Variants in RBPJ observed in about 807,000 individuals in gnomAD.
RBPJ encodes recombination signal binding protein for immunoglobulin kappa J region.
A neutral mutation model predicts 67.8 loss-of-function variants in RBPJ; 9 were observed. The ratio of observed to expected loss-of-function variants is 0.13; its 90% CI spans 0.08 to 0.23. The LOEUF is 0.23. Among genes scored for constraint, RBPJ ranks in the 10% least tolerant of loss-of-function variants. The probability of loss-of-function intolerance (pLI) is 1.00; values close to 1 mark genes in which losing one functional copy is unlikely to be tolerated. For synonymous variants in RBPJ, 198 were observed against 203.3 expected, an observed-to-expected ratio of 0.97 and a Z score of 0.22; for missense variants, 305 against 595.6, an observed-to-expected ratio of 0.51 and a Z score of 5.08.
chr4:26,260,885 T>C (rs1720507920), intron 1 of RBPJ, among the ~76,000 whole-genome samples: 1 of 152,200 alleles, frequency 6.6e-6, no homozygotes. Flanking sequence ...CCATCATTCA[T>C]TGCCTATGCT....
chr4:26,289,384 C>CAAAAAAAAAAA (rs60159669), intron 1 of RBPJ, among the ~76,000 whole-genome samples: 26 of 78,298 alleles, frequency 3.3e-4, no homozygotes, highest in African/African-American at 7.8e-4. Flanking sequence ...GACTTGGTCT[C>CAAAAAAAAAAA]AAAAAAAAAA....
the RBPJ span, among the ~76,000 whole-genome samples, chr4:26,116,229 T>C: frequency 6.6e-6 from 1 of 152,238 alleles, no homozygotes; most frequent in African/African-American, 2.4e-5. Flanking sequence ...GCAGGCTGCA[T>C]TGAGCTGACA....
the RBPJ span, among the ~76,000 whole-genome samples, chr4:26,157,278 T>C: frequency 6.6e-6 from 1 of 151,860 alleles, no homozygotes; most frequent in Non-Finnish European, 1.5e-5. Flanking sequence ...CAAAGAATTT[T>C]TTACATTAGC....
At chr4:26,313,097 A>AT (rs1473701685) in intron 1 of RBPJ, among the ~76,000 whole-genome samples, 1 of 152,026 alleles carries the variant, frequency 6.6e-6, no homozygotes, top group Non-Finnish European at 1.5e-5. Context: ...TAATTTTTGT[A>AT]TTTTTTGTTG....
the RBPJ span, among the ~76,000 whole-genome samples, chr4:26,120,983 G>A: frequency 6.6e-6 from 1 of 151,716 alleles, no homozygotes; most frequent in African/African-American, 2.4e-5. Flanking sequence ...GAGAGGCAGA[G>A]GGAGAGGAAG....
At chr4:26,177,651 A>C (rs1716842288) in intron 1 of RBPJ, among the ~76,000 whole-genome samples, 2 of 152,130 alleles carry the variant, frequency 1.3e-5, no homozygotes, top group African/African-American at 4.8e-5. Flanking sequence ...GAAGGAAGAA[A>C]GAAAGAAAGA....
At chr4:26,313,560 C>T (rs1722507433) in intron 1 of RBPJ, among the ~76,000 whole-genome samples, 1 of 152,076 alleles carries the variant, frequency 6.6e-6, no homozygotes, top group South Asian at 2.1e-4. Context: ...GTCCCAGCTA[C>T]TCAGGAGGCT....
At chr4:26,428,552 T>G in intron 7 of RBPJ, 168 bp from the exon 8 acceptor site, 1 of 548,356 alleles carries the variant, frequency 1.8e-6, no homozygotes, top group Non-Finnish European at 3.2e-6. Context: ...AAGTGTTTTT[T>G]ATTCCTAGTC....
At chr4:26,140,424 C>T in the RBPJ span, among the ~76,000 whole-genome samples, 7 of 152,144 alleles carry the variant, frequency 4.6e-5, no homozygotes, top group Admixed American at 4.6e-4. Context: ...TTCAGATGCC[C>T]AAAGGATGAG....
In RBPJ at chr4:26,349,093, C is replaced by CGCGCGCGTGCGT. The variant is rs113326244; in HGVS notation, c.20+28049_20+28050insGCGTGCGTGCGC. Among the ~76,000 whole-genome samples the CGCGCGCGTGCGT allele has an allele frequency of 2.4e-4, 36 of 150,856 alleles. 1 individual carries two copies. The highest frequency in any genetic ancestry group is 1.9e-3 in the Admixed American group (29 of 15,194). On this transcript the variant is annotated intron_variant, in intron 1 of 10. Transcript: ENST00000355476. ...AAGTTTGTGTGTGTGTGTGTGCGCG[C>CGCGCGCGTGCGT]GCGCACGCACTTGCCAGGCTCTAGA...
At chr4:26,283,918 A>G (rs1721371851) in intron 1 of RBPJ, among the ~76,000 whole-genome samples, 1 of 152,168 alleles carries the variant, frequency 6.6e-6, no homozygotes, top group Non-Finnish European at 1.5e-5. Context: ...TGCTGGGATT[A>G]CAGGCATGAG....
intron 1 of RBPJ, chr4:26,321,864 ACT>A (rs1428160882): frequency 6.6e-6 from 1 of 151,138 alleles, no homozygotes; most frequent in South Asian, 2.1e-4. Context: ...TGCACACAAG[ACT>A]CTACGGTTTG....
At chr4:26,245,116 T>C (rs1374661791) in intron 1 of RBPJ, among the ~76,000 whole-genome samples, 1 of 151,596 alleles carries the variant, frequency 6.6e-6, no homozygotes, top group Non-Finnish European at 1.5e-5. Flanking sequence ...ATTGCAGAAC[T>C]TTTTTATTAC....
At chr4:26,181,768 T>C (rs1717006253) in intron 1 of RBPJ, among the ~76,000 whole-genome samples, 1 of 152,114 alleles carries the variant, frequency 6.6e-6, no homozygotes, top group Non-Finnish European at 1.5e-5. Flanking sequence ...ATAGAAAAAG[T>C]ACATTAAAAA....
At chr4:26,313,806 A>G (rs1446640623) in intron 1 of RBPJ, among the ~76,000 whole-genome samples, 1 of 152,184 alleles carries the variant, frequency 6.6e-6, no homozygotes, top group Admixed American at 6.5e-5. Flanking sequence ...AATGCACTCC[A>G]GCCTGGGCAT....
At chr4:26,138,017 A>C in the RBPJ span, among the ~76,000 whole-genome samples, 1 of 152,226 alleles carries the variant, frequency 6.6e-6, no homozygotes, top group Non-Finnish European at 1.5e-5. Context: ...AGCTACCAGA[A>C]GACATGATAT....
intron 1 of RBPJ, among the ~76,000 whole-genome samples, chr4:26,198,965 G>A (rs78802495): frequency 0.061 from 9,224 of 151,880 alleles, 383 homozygotes; most frequent in Non-Finnish European, 0.088. Context: ...TAAGTGTACC[G>A]TTCTGTGGCA....
chr4:26,180,388 C>T (rs1353029957), intron 1 of RBPJ, among the ~76,000 whole-genome samples: 2 of 151,164 alleles, frequency 1.3e-5, no homozygotes, highest in African/African-American at 2.4e-5. Flanking sequence ...TTTGTTGGGG[C>T]TGTTATAACA....
At chr4:26,296,682 C>T (rs543155161) in intron 1 of RBPJ, among the ~76,000 whole-genome samples, 2 of 152,166 alleles carry the variant, frequency 1.3e-5, no homozygotes, top group East Asian at 1.9e-4. Context: ...ACCTAATATA[C>T]GCTACATACT....
Sources: allele counts gnomAD v4.1 joint callset (sites outside exome capture counted in the v4.1 genomes callset), GRCh38; gene constraint gnomAD v4.1.1; transcripts MANE v1.5; gene names NCBI Gene and HGNC (gene_info 2026-07-23, HGNC 2026-07-21).